The following CD6 variants were observed in gnomAD, a reference collection of about 807,000 sequenced individuals.
CD6 encodes the protein CD6 molecule.
In CD6, 53 loss-of-function variants were observed where a neutral mutation model predicts 75.3. The ratio of observed to expected loss-of-function variants is 0.70; its 90% CI spans 0.56 to 0.88. CD6 has a LOEUF of 0.88. Among genes scored for constraint, CD6 ranks in the 40% least tolerant of loss-of-function variants. The pLI is 0.00. For missense variants in CD6, 770 were observed against 897.1 expected (o/e 0.86, Z 1.81); for synonymous variants, 359 against 381.5 (o/e 0.94, Z 0.69).
Position 61,007,577 on chromosome 11 carries a change from C to T in CD6, c.136C>T (p.Arg46Cys). The change falls in exon 3 of 13, where the codon CGT becomes TGT. Residue 46 changes from arginine (R) to cysteine (C), a missense_variant. By Grantham distance (180) the Arg-to-Cys change is radical (BLOSUM62 -3). Coordinates refer to ENST00000313421, the MANE Select transcript of CD6 (RefSeq NM_006725.5). The surrounding 1 kb of genome is among the most constrained non-coding windows in gnomAD (Gnocchi z 4.2). ...ACTTCCAGGGGAGCGGCTTCCGGTC[C>T]GTCTGACAAACGGGAGCAGCAGCTG... ...LWEPGERLPV[R>C]LTNGSSSCSG... The T allele has an allele frequency of 6.7e-7, 1 of 1,501,204 alleles. No individual in the cohort carries two copies. Among genetic ancestry groups the T allele is most frequent in the South Asian group, 1.3e-5 (1 of 79,678 alleles). The allele number at this position is 1,501,204 out of a possible 1,614,324, so 93.0% of individuals were successfully genotyped here.
intron 1 of CD6, among the ~76,000 whole-genome samples, chr11:61,005,854 C>G (rs945228468): frequency 3.3e-5 from 5 of 151,954 alleles, no homozygotes; most frequent in Non-Finnish European, 5.9e-5. Flanking sequence ...TCGCTTGAAT[C>G]TGGGAGGTGG....
chr11:61,017,992 G>C lies in CD6; in HGVS notation c.1816G>C (p.Gly606Arg). ...LEQPPNLELA[G>R]TQPAFSAGPP... ...GCAGCCCCCAAACTTGGAGCTGGCC[G>C]GCACCCAGCCAGCCTTTTCAGGTAA... The change falls in exon 11 of 13, where the codon GGC (glycine) becomes CGC (arginine). Residue 606 changes from glycine to arginine, a missense_variant. Gly to Arg is a moderately radical substitution (Grantham distance 125). Transcript: ENST00000313421. 6.2e-7 allele frequency: 1 copy of C among 1,611,670 alleles called. No homozygotes were observed. Among genetic ancestry groups the C allele is most frequent in the Non-Finnish European group, 8.5e-7 (1 of 1,179,838 alleles).
chr11:60,999,041 C>T (rs1249085015), intron 1 of CD6, among the ~76,000 whole-genome samples: 2 of 151,904 alleles, frequency 1.3e-5, no homozygotes, highest in African/African-American at 2.4e-5. Context: ...GCCTGTAGTC[C>T]CAGCTATTCA....
chr11:61,004,727 C>T (rs997347199), intron 1 of CD6: 1 of 152,190 alleles, frequency 6.6e-6, no homozygotes, highest in African/African-American at 2.4e-5. Context: ...ACAAGGACAC[C>T]CCCAAATCTT....
In CD6 at chr11:61,019,804, G is replaced by C. The variant is rs1362220659; in HGVS notation, c.*486G>C. On this transcript the variant is annotated 3_prime_UTR_variant, in exon 13 of 13. Coordinates refer to ENST00000313421, the MANE Select transcript of CD6 (RefSeq NM_006725.5). ...CCCATATACTAGGGTCTGCTGAGCT[G>C]TTGTCACTGATCGGTGGGCGCTGGG... 3 of 184,502 alleles carry C rather than the reference G, an allele frequency of 1.6e-5. No individual in the cohort carries two copies. The East Asian group carries it at 4.1e-4, about 25-fold the overall frequency. The allele number at this position is 184,502 out of a possible 1,614,324, so 11.4% of individuals were successfully genotyped here.
chr11:61,013,831 T>G (rs1590724656), intron 7 of CD6, 88 bp from the exon 8 acceptor site: 1 of 886,524 alleles, frequency 1.1e-6, no homozygotes. Flanking sequence ...ATGAGGAGGG[T>G]GGTGTGTCGA....
intron 9 of CD6, 82 bp downstream of exon 9, chr11:61,015,917 C>G: frequency 6.6e-7 from 1 of 1,521,970 alleles, no homozygotes; most frequent in East Asian, 2.3e-5. Flanking sequence ...GTCAGTAGTC[C>G]CACCTAGTAA....
intron 1 of CD6, chr11:60,982,646 T>C (rs1042418096): frequency 4.4e-6 from 2 of 455,958 alleles, no homozygotes; most frequent in Non-Finnish European, 8.8e-6. Flanking sequence ...GCCAAATGGA[T>C]TCAGCTCCTT....
intron 1 of CD6, among the ~76,000 whole-genome samples, chr11:61,003,026 G>A (rs191085129): frequency 6.2e-4 from 94 of 152,018 alleles, no homozygotes; most frequent in Non-Finnish European, 1.1e-3. Flanking sequence ...GGGCAGTGGC[G>A]CAATCTCAGC....
chr11:61,018,669 A>C, intron 12 of CD6: 4 of 424,200 alleles, frequency 9.4e-6, no homozygotes, highest in Non-Finnish European at 1.2e-5. Context: ...TAAAAACTAA[A>C]TATTAGCCAA....
chr11:61,018,201 T>G, intron 11 of CD6, 88 bp from the exon 12 acceptor site: 8 of 1,320,860 alleles, frequency 6.1e-6, no homozygotes, highest in Non-Finnish European at 8.3e-6. Context: ...GGGACTTGGC[T>G]CTCGTGAGTC....
chr11:61,017,451 C>T, intron 9 of CD6, 28 bp from the exon 10 acceptor site: 1 of 1,530,786 alleles, frequency 6.5e-7, no homozygotes, highest in Non-Finnish European at 8.8e-7. Context: ...GAGCCTTCAC[C>T]CCTCCCCACC....
chr11:60,991,856 CTATATATATGTA>C (rs201654800), intron 1 of CD6, among the ~76,000 whole-genome samples: 5,103 of 147,012 alleles, frequency 0.035, 131 homozygotes, highest in Middle Eastern at 0.13. Flanking sequence ...TCATATATAT[CTATATATATGTA>C]TATATATATG....
intron 1 of CD6, among the ~76,000 whole-genome samples, chr11:60,989,085 T>C (rs930006988): frequency 2.0e-5 from 3 of 152,142 alleles, no homozygotes; most frequent in African/African-American, 4.8e-5. Context: ...CTCCCTAGAA[T>C]GCCTTCTTAA....
intron 1 of CD6, among the ~76,000 whole-genome samples, chr11:60,994,746 C>A (rs1225404242): frequency 6.6e-6 from 1 of 152,214 alleles, no homozygotes; most frequent in Admixed American, 6.5e-5. Context: ...ATCTATGTTC[C>A]GTTTCATTAA....
chr11:60,985,460 C>T (rs1857771601), intron 1 of CD6, among the ~76,000 whole-genome samples: 1 of 152,016 alleles, frequency 6.6e-6, no homozygotes, highest in Non-Finnish European at 1.5e-5. Flanking sequence ...GCTGGGATTA[C>T]AGGTATAAGC....
chr11:60,988,552 C>T (rs1385679573), intron 1 of CD6, among the ~76,000 whole-genome samples: 2 of 152,156 alleles, frequency 1.3e-5, no homozygotes, highest in Non-Finnish European at 2.9e-5. Flanking sequence ...GTCTGGTGAG[C>T]GTAGCTGCCA....
chr11:60,976,991 C>T (rs1462868882), intron 1 of CD6, among the ~76,000 whole-genome samples: 1 of 152,140 alleles, frequency 6.6e-6, no homozygotes, highest in Non-Finnish European at 1.5e-5. Flanking sequence ...CTTAGCTTGG[C>T]TCTCTGGCCA....
intron 10 of CD6, 87 bp from the exon 11 acceptor site, chr11:61,017,672 A>T: frequency 6.3e-7 from 1 of 1,588,542 alleles, no homozygotes; most frequent in Non-Finnish European, 8.6e-7. Context: ...CACAAATCCT[A>T]TAGGCAGTAA....
Sources: gnomAD v4.1 joint callset for allele counts (sites outside exome capture counted in the v4.1 genomes callset) on GRCh38, gnomAD v4.1.1 for gene constraint, Gnocchi (gnomAD v3.1) non-coding constraint, MANE v1.5 for transcripts, NCBI Gene and HGNC (gene_info 2026-07-23, HGNC 2026-07-21) for gene names.